Variants in LRFN2 observed in about 807,000 individuals in gnomAD.
The protein encoded by LRFN2 is leucine-rich repeat and fibronectin type-III domain-containing protein 2.
A neutral mutation model predicts 37.3 loss-of-function variants in LRFN2; 18 were observed. That is an observed-to-expected ratio of 0.48 (90% CI 0.33 to 0.72). The LOEUF is 0.72. Among genes scored for constraint, LRFN2 ranks in the 30% least tolerant of loss-of-function variants. LRFN2 has a pLI of 0.02. For missense variants in LRFN2, 1,006 were observed against 1,060.7 expected (o/e 0.95, Z 0.72); for synonymous variants, 556 against 466.6 (o/e 1.19, Z -2.47).
At chr6:40,453,541 CACACACACACACA>C (rs1764165718) in intron 1 of LRFN2, among the ~76,000 whole-genome samples, 2 of 150,580 alleles carry the variant, frequency 1.3e-5, no homozygotes, top group East Asian at 2.0e-4. Flanking sequence ...CACACACACA[CACACACACACACA>C]CCTCCCTTTG....
chr6:40,453,584 C>T (rs1422734404), intron 1 of LRFN2, among the ~76,000 whole-genome samples: 3 of 151,792 alleles, frequency 2.0e-5, no homozygotes, highest in African/African-American at 7.3e-5. Context: ...TGCAAACACA[C>T]ATACCTCTCT....
intron 1 of LRFN2, among the ~76,000 whole-genome samples, chr6:40,563,972 G>A (rs1247212279): frequency 6.6e-6 from 1 of 152,088 alleles, no homozygotes; most frequent in Non-Finnish European, 1.5e-5. Flanking sequence ...TACCAACCGT[G>A]GTCCAGGCAC....
chr6:40,435,480 C>T (rs562167087), intron 1 of LRFN2, among the ~76,000 whole-genome samples: 3 of 152,138 alleles, frequency 2.0e-5, no homozygotes, highest in African/African-American at 7.2e-5. Context: ...GGAAGTAGAG[C>T]TCTATAACTC....
At chr6:40,515,474 C>T (rs939739000) in intron 1 of LRFN2, among the ~76,000 whole-genome samples, 21 of 152,188 alleles carry the variant, frequency 1.4e-4, no homozygotes, top group African/African-American at 4.8e-5. Context: ...CATGACAGTG[C>T]CTGGCTCCCA....
rs773478777 is a variant in LRFN2, at chr6:40,392,524, G to T, written c.1789C>A (p.Gln597Lys). 1.3e-6 allele frequency: 2 copies of T among 1,587,848 alleles called. No homozygotes were observed. Among genetic ancestry groups the T allele is most frequent in the Non-Finnish European group, 1.7e-6 (2 of 1,170,116 alleles). Residue 597 changes from glutamine to lysine, a missense_variant, in exon 3 of 3, where the codon CAG becomes AAG. Gln to Lys is a moderately conservative substitution (Grantham distance 53). Around this residue, in one of 4 missense-constraint regions of LRFN2, gnomAD observed 398 missense variants for 327.6 expected, o/e 1.21. Coordinates refer to ENST00000338305, the MANE Select transcript of LRFN2 (RefSeq NM_020737.3). The surrounding 1 kb of genome is among the most constrained non-coding windows in gnomAD (Gnocchi z 4.7). ...PSSAPAGAPP[Q>K]GPPKVVVRNE... ...CGCACCACCACCTTCGGCGGGCCCT[G>T]CGGCGGGGCCCCGGCTGGTGCGCTG...
intron 1 of LRFN2, among the ~76,000 whole-genome samples, chr6:40,465,223 A>G (rs1174317893): frequency 6.6e-6 from 1 of 152,198 alleles, no homozygotes; most frequent in Non-Finnish European, 1.5e-5. Context: ...ATTCTACCCT[A>G]GAGCCCCCTG....
chr6:40,534,327 C>A (rs1766408940), intron 1 of LRFN2, among the ~76,000 whole-genome samples: 1 of 152,094 alleles, frequency 6.6e-6, no homozygotes, highest in African/African-American at 2.4e-5. Context: ...GAAAGCTCCC[C>A]CAAGGAAAAT....
chr6:40,392,924 G>A lies in LRFN2; in HGVS notation c.1401-12C>T. On this transcript the variant is annotated splice_polypyrimidine_tract_variant and intron_variant, in intron 2 of 2. Coordinates refer to ENST00000338305, the MANE Select transcript of LRFN2 (RefSeq NM_020737.3). This position sits in a 1 kb window ranked among gnomAD's most constrained non-coding sequence, Gnocchi z 4.7. The stretch of plus-strand genomic sequence containing the variant: ...AGGCTGGGATCATCCTGGGGAGGGA[G>A]GTGGACAGAAATAGTGAGGGGTGGT... 1.3e-6 allele frequency: 2 copies of A among 1,594,786 alleles called. No individual in the cohort carries two copies. The highest frequency in any genetic ancestry group is 1.7e-6 in the Non-Finnish European group (2 of 1,169,940).
chr6:40,555,135 C>T lies in LRFN2; in HGVS notation c.-19+31806G>A, dbSNP rs574955948. 3.9e-5 allele frequency among the ~76,000 whole-genome samples: 6 copies of T among 152,284 alleles called. No homozygotes were observed. In the South Asian group the frequency reaches 1.0e-3, roughly 26 times the overall value. ...TTAGAAAGGCCAGTAGAATTAAAAG[C>T]GCTCTGCTGGGGGCCCCTCTCCTGC... On this transcript the variant is annotated intron_variant, in intron 1 of 2. Transcript: ENST00000338305.
rs150204126 is a variant in LRFN2, at chr6:40,432,456, G to C, written c.658C>G (p.Arg220Gly). The C allele has an allele frequency of 1.2e-6, 2 of 1,614,090 alleles. No individual in the cohort carries two copies. The highest frequency in any genetic ancestry group is 1.7e-6 in the Non-Finnish European group (2 of 1,180,056). Residue 220 changes from arginine to glycine, a missense_variant, in exon 2 of 3, where the codon CGC (arginine) becomes GGC (glycine). By Grantham distance (125) the Arg-to-Gly change is moderately radical. This residue lies in a region of LRFN2 where 303 missense variants were observed against 299.8 expected (regional missense o/e 1.01). Transcript: ENST00000338305. ...GCTGTCAAAGCCGAAGCCTGGGAGC[G>C]GGCAAAGATGGGATCAGGGGGCAGC... is the stretch of plus-strand genomic sequence containing the variant. Reference protein sequence around the residue: ...QKLPPDPIFARSQASALTATP... With the variant: ...QKLPPDPIFAGSQASALTATP...
At chr6:40,447,906 T>C (rs1764008956) in intron 1 of LRFN2, among the ~76,000 whole-genome samples, 2 of 152,148 alleles carry the variant, frequency 1.3e-5, no homozygotes, top group South Asian at 4.1e-4. Context: ...TCCATTAGAA[T>C]CAACCAACAA....
intron 1 of LRFN2, among the ~76,000 whole-genome samples, chr6:40,562,115 A>C (rs1208149267): frequency 6.6e-6 from 1 of 152,210 alleles, no homozygotes; most frequent in Non-Finnish European, 1.5e-5. Context: ...GTGATAGAGA[A>C]GGATCATTTA....
chr6:40,446,311 TGAAG>T (rs2113838222), intron 1 of LRFN2, among the ~76,000 whole-genome samples: 1 of 152,310 alleles, frequency 6.6e-6, no homozygotes, highest in Non-Finnish European at 1.5e-5. Flanking sequence ...TTAATTTTAA[TGAAG>T]GAAGAAGCAT....
intron 1 of LRFN2, among the ~76,000 whole-genome samples, chr6:40,527,013 T>A (rs1484274985): frequency 6.6e-6 from 1 of 152,152 alleles, no homozygotes; most frequent in Non-Finnish European, 1.5e-5. Flanking sequence ...GGATTTGTCA[T>A]CAGGATCTCA....
At chr6:40,503,238 G>A (rs1317645991) in intron 1 of LRFN2, among the ~76,000 whole-genome samples, 1 of 152,160 alleles carries the variant, frequency 6.6e-6, no homozygotes, top group Non-Finnish European at 1.5e-5. Flanking sequence ...TAGAGTTTTG[G>A]TGTGGAAATT....
intron 2 of LRFN2, among the ~76,000 whole-genome samples, chr6:40,408,649 C>T (rs1017069220): frequency 6.6e-6 from 1 of 152,188 alleles, no homozygotes; most frequent in African/African-American, 2.4e-5. Flanking sequence ...AGGCAGATTA[C>T]TTACCCTCTG....
chr6:40,414,272 A>C (rs746651), intron 2 of LRFN2, among the ~76,000 whole-genome samples: 83,734 of 152,142 alleles, frequency 0.55, 25,288 homozygotes, highest in South Asian at 0.79. Flanking sequence ...AAGCTAGCTG[A>C]GCACTATTGA....
rs142969064 is a variant in LRFN2 at position 40,490,734 on chromosome 6, G to A, written c.-18-57603C>T. The stretch of plus-strand genomic sequence containing the variant: ...GCCCTGTCAGGACTGGAACATCAGA[G>A]AAGCCTGCCACCAGAGACTTGCTCC... On this transcript the variant is annotated intron_variant, in intron 1 of 2. Coordinates refer to ENST00000338305, the MANE Select transcript of LRFN2 (RefSeq NM_020737.3). Among the ~76,000 whole-genome samples, 438 of 152,318 alleles carry A rather than the reference G, an allele frequency of 2.9e-3. 2 individuals carry two copies. The highest frequency in any genetic ancestry group is 9.6e-3 in the African/African-American group (400 of 41,570).
chr6:40,506,279 TA>T (rs1765534497), intron 1 of LRFN2, among the ~76,000 whole-genome samples: 2 of 152,184 alleles, frequency 1.3e-5, no homozygotes, highest in African/African-American at 4.8e-5. Flanking sequence ...GTCATCAGAA[TA>T]AAAACCATCC....
Sources: allele counts gnomAD v4.1 joint callset (sites outside exome capture counted in the v4.1 genomes callset), GRCh38; gene constraint gnomAD v4.1.1; regional missense constraint gnomAD v4.1.1; non-coding constraint Gnocchi (gnomAD v3.1); transcripts MANE v1.5; gene names NCBI Gene and HGNC (gene_info 2026-07-23, HGNC 2026-07-21).